Variants in FAM228B observed in about 807,000 individuals in gnomAD.
The protein encoded by FAM228B is protein FAM228B.
In FAM228B, 38 loss-of-function variants were observed where a neutral mutation model predicts 42.6. The observed-to-expected ratio is 0.89, with a 90% CI of 0.69 to 1.17. FAM228B has a LOEUF of 1.17. FAM228B is among the 50% of genes most tolerant of loss of function. The probability of loss-of-function intolerance (pLI) is 0.00; values close to 1 mark genes in which losing one functional copy is unlikely to be tolerated. For synonymous variants in FAM228B, 109 were observed against 122.3 expected, an observed-to-expected ratio of 0.89 and a Z score of 0.72; for missense variants, 344 against 367.3, an observed-to-expected ratio of 0.94 and a Z score of 0.52.
At chr2:24,144,923 C>G (rs771226138) in intron 5 of FAM228B, among the ~76,000 whole-genome samples, 207 of 152,298 alleles carry the variant, frequency 1.4e-3, no homozygotes, top group Non-Finnish European at 2.7e-3. Context: ...AGCCCACAAG[C>G]CTGCTGCTAC....
rs371455397 is a variant in FAM228B, at chr2:24,077,554, GC to G, written c.-290+586del. On this transcript the variant is annotated intron_variant, in intron 1 of 10. Transcript: ENST00000613899. This position sits in a 1 kb window ranked among gnomAD's most constrained non-coding sequence, Gnocchi z 5.5. ...TGCTCTGGAAAGGCCTGGGGTGGCC[GC>G]GTCCTGTCCTGCCCCATCCTCCTTC... is the stretch of plus-strand genomic sequence containing the variant. 83 of 1,594,826 alleles carry G rather than the reference GC, an allele frequency of 5.2e-5. No homozygotes were observed. The Middle Eastern group carries it at 6.7e-4, about 13-fold the overall frequency.
Position 24,079,349 on chromosome 2 carries a change from C to G in FAM228B, c.-289-1527C>G, listed in dbSNP as rs147706045. 3 of 1,373,430 alleles carry G rather than the reference C, an allele frequency of 2.2e-6. No individual in the cohort carries two copies. The East Asian group carries it at 6.9e-5, about 32-fold the overall frequency. 85.1% of individuals were successfully genotyped at this position (1,373,430 alleles called of 1,614,324 possible). ...AGGTTTCTTCATAGAAACTAACCTC[C>G]GTAATCTAAGGTAGAGCTTCCTTTC... is the stretch of plus-strand genomic sequence containing the variant. On this transcript the variant is annotated intron_variant, in intron 1 of 10. Coordinates refer to the FAM228B transcript ENST00000613899.
chr2:24,090,966 T>G (rs1665377726), intron 2 of FAM228B, among the ~76,000 whole-genome samples: 1 of 152,194 alleles, frequency 6.6e-6, no homozygotes, highest in African/African-American at 2.4e-5. Flanking sequence ...TTTGTTTGTT[T>G]GTTTATCGTT....
At chr2:24,120,237 C>G (rs752203735), upstream of FAM228B, among the ~76,000 whole-genome samples, 1 of 151,614 alleles carries the variant, frequency 6.6e-6, no homozygotes, top group Non-Finnish European at 1.5e-5. Flanking sequence ...CCATTGCACT[C>G]CAGCCTGGGC....
intron 2 of FAM228B, among the ~76,000 whole-genome samples, chr2:24,132,655 G>A (rs1666484301): frequency 6.6e-6 from 1 of 151,468 alleles, no homozygotes; most frequent in African/African-American, 2.4e-5. Context: ...GGTCTCCATT[G>A]ATTGTTTTTT....
At chr2:24,133,598 A>G (rs564977633) in intron 2 of FAM228B, among the ~76,000 whole-genome samples, 3 of 152,372 alleles carry the variant, frequency 2.0e-5, no homozygotes, top group Admixed American at 2.0e-4. Context: ...TGTGCTAGAA[A>G]TCAACTGCTT....
intron 4 of FAM228B, among the ~76,000 whole-genome samples, chr2:24,138,805 G>A (rs1333612055): frequency 1.3e-5 from 2 of 151,670 alleles, no homozygotes; most frequent in African/African-American, 4.8e-5. Context: ...AATTAGCCAG[G>A]CATGGTGGTG....
Position 24,169,317 on chromosome 2 carries a change from A to T in FAM228B, c.*15-39A>T, listed in dbSNP as rs543571884. ...CTGCTCTCGTAAGCCCCTCATCCCC[A>T]TACCACACTCAACTCTTCCCTTTTG... On this transcript the variant is annotated intron_variant, in intron 10 of 10. Coordinates refer to ENST00000615575, the MANE Select transcript of FAM228B (RefSeq NM_001145710.2). The surrounding 1 kb of genome is among the most constrained non-coding windows in gnomAD (Gnocchi z 4.2). 2.2e-6 allele frequency: 1 copy of T among 461,938 alleles called. No individual in the cohort carries two copies. Among genetic ancestry groups the T allele is most frequent in the East Asian group, 7.1e-5 (1 of 14,174 alleles). The allele number at this position is 461,938 out of a possible 1,614,324, so 28.6% of individuals were successfully genotyped here. A position where few individuals can be genotyped will look rare whatever the true frequency, so the allele number is the denominator to read the frequency against.
At chr2:24,117,563 C>G (rs572267577) in intron 3 of FAM228B, among the ~76,000 whole-genome samples, 1 of 151,966 alleles carries the variant, frequency 6.6e-6, no homozygotes, top group Non-Finnish European at 1.5e-5. Flanking sequence ...CTGCCTCAGC[C>G]TCCTGAGCAG....
chr2:24,114,416 A>G (rs1330944057), intron 3 of FAM228B, among the ~76,000 whole-genome samples: 1 of 152,040 alleles, frequency 6.6e-6, no homozygotes, highest in South Asian at 2.1e-4. Flanking sequence ...GCTTCCAGAC[A>G]TCTTGTCTGG....
In FAM228B at chr2:24,168,651, T is replaced by G. The variant is rs912035118; in HGVS notation, c.*15-705T>G. The stretch of plus-strand genomic sequence containing the variant: ...TATAAAGTGGCTGGAGAAGGTAAGG[T>G]AAGGGAATATTTTTATCAGCGATAT... On this transcript the variant is annotated intron_variant, in intron 10 of 10. Transcript: ENST00000615575. 6.6e-5 allele frequency among the ~76,000 whole-genome samples: 10 copies of G among 152,102 alleles called. No homozygotes were observed. The East Asian group carries it at 1.7e-3, about 26-fold the overall frequency.
chr2:24,153,159 C>T (rs1667060392), intron 7 of FAM228B, among the ~76,000 whole-genome samples: 1 of 152,136 alleles, frequency 6.6e-6, no homozygotes, highest in Admixed American at 6.5e-5. Flanking sequence ...ACTCAGGGAC[C>T]CAAAAAGCCT....
At chr2:24,129,054 G>T (rs182607828) in intron 2 of FAM228B, among the ~76,000 whole-genome samples, 24 of 151,984 alleles carry the variant, frequency 1.6e-4, no homozygotes, top group African/African-American at 5.8e-4. Flanking sequence ...TAGTGTTTAC[G>T]ATCAGCTGAA....
chr2:24,082,962 G>A, intron 2 of FAM228B: 1 of 1,614,144 alleles, frequency 6.2e-7, no homozygotes, highest in South Asian at 1.1e-5. Flanking sequence ...CAATCCCTCT[G>A]GGATAGGCAT....
At chr2:24,164,096 T>A in intron 8 of FAM228B, 102 bp from the exon 9 acceptor site, 1 of 1,079,830 alleles carries the variant, frequency 9.3e-7, no homozygotes. Flanking sequence ...AATACACAAA[T>A]TCACATAGAA....
intron 3 of FAM228B, among the ~76,000 whole-genome samples, chr2:24,116,069 C>T (rs1052509434): frequency 6.6e-6 from 1 of 152,108 alleles, no homozygotes; most frequent in Non-Finnish European, 1.5e-5. Context: ...TGGCTCATAT[C>T]TGTAATCCCA....
intron 1 of FAM228B, 52 bp from the exon 2 acceptor site, chr2:24,124,278 G>C (rs542443744): frequency 1.1e-6 from 1 of 921,566 alleles, no homozygotes; most frequent in South Asian, 1.7e-5. Flanking sequence ...TTAAACAGAA[G>C]AGAAAATCAG....
rs1666796374 is a variant in FAM228B, at chr2:24,143,160, C to CTTTTCTTTTT, written c.442-3576_442-3567dup. Reference sequence around the variant, plus strand: ...GCTGTTAAAATACTCCTACCTTTTTCTTTTCTTTTTTTTTCTTTTTTGGTT... The same window carrying CTTTTCTTTTT: ...GCTGTTAAAATACTCCTACCTTTTTCTTTTCTTTTTTTTTCTTTTTTTTTCTTTTTTGGTT... On this transcript the variant is annotated intron_variant, in intron 5 of 10. Coordinates refer to ENST00000615575, the MANE Select transcript of FAM228B (RefSeq NM_001145710.2). 2.6e-5 allele frequency among the ~76,000 whole-genome samples: 4 copies of CTTTTCTTTTT among 152,054 alleles called. No homozygotes were observed. The South Asian group carries it at 8.3e-4, about 32-fold the overall frequency.
chr2:24,113,854 G>A (rs1665841417), intron 3 of FAM228B, among the ~76,000 whole-genome samples: 3 of 152,098 alleles, frequency 2.0e-5, no homozygotes, highest in African/African-American at 4.8e-5. Flanking sequence ...GCCAGCCTGG[G>A]TGACAAGAGC....
Sources: gnomAD v4.1 joint callset for allele counts (sites outside exome capture counted in the v4.1 genomes callset) on GRCh38, gnomAD v4.1.1 for gene constraint, Gnocchi (gnomAD v3.1) non-coding constraint, MANE v1.5 for transcripts, NCBI Gene and HGNC (gene_info 2026-07-23, HGNC 2026-07-21) for gene names.